Variants in RIMS3 observed in about 807,000 individuals in gnomAD.
RIMS3 encodes the protein regulating synaptic membrane exocytosis protein 3.
Under a neutral mutation model 29.2 loss-of-function variants are expected in RIMS3, and 15 were observed. The ratio of observed to expected loss-of-function variants is 0.51; its 90% CI spans 0.34 to 0.79. RIMS3 has a LOEUF of 0.79. Among genes scored for constraint, RIMS3 ranks in the 30% least tolerant of loss-of-function variants. The probability of loss-of-function intolerance (pLI) is 0.01; values close to 1 mark genes in which losing one functional copy is unlikely to be tolerated. For synonymous variants in RIMS3, 161 were observed against 170.1 expected (o/e 0.95, Z 0.41); for missense variants, 342 against 421.4 (o/e 0.81, Z 1.65).
chr1:40,677,328 T>C, the RIMS3 span, among the ~76,000 whole-genome samples: 13 of 151,730 alleles, frequency 8.6e-5, no homozygotes, highest in African/African-American at 2.9e-4. Flanking sequence ...AATATTGAGA[T>C]TGAACTTGAT....
intron 5 of RIMS3, 81 bp downstream of exon 5, chr1:40,632,988 A>G: frequency 9.5e-7 from 1 of 1,058,064 alleles, no homozygotes; most frequent in Admixed American, 1.7e-5. Flanking sequence ...TACGATGGCC[A>G]ATGCAGGGCC....
At chr1:40,638,947 C>T (rs1443891454) in intron 3 of RIMS3, among the ~76,000 whole-genome samples, 1 of 152,168 alleles carries the variant, frequency 6.6e-6, no homozygotes, top group African/African-American at 2.4e-5. Context: ...CACTCTAGGG[C>T]AACAAGAGGA....
intron 1 of RIMS3, among the ~76,000 whole-genome samples, chr1:40,659,275 G>C (rs1475027971): frequency 6.6e-6 from 1 of 152,190 alleles, no homozygotes; most frequent in African/African-American, 2.4e-5. Context: ...AGTGTGGCGG[G>C]GAAGCAGGGA....
chr1:40,678,848 C>CTGGG, the RIMS3 span, among the ~76,000 whole-genome samples: 1 of 152,168 alleles, frequency 6.6e-6, no homozygotes, highest in African/African-American at 2.4e-5. Context: ...CTGTGTCAGT[C>CTGGG]TGGGTGAAGA....
chr1:40,624,429 T>G lies in RIMS3; in HGVS notation c.*2088A>C, dbSNP rs1260111600. On this transcript the variant is annotated 3_prime_UTR_variant, in exon 8 of 8. Transcript: ENST00000372684. ...TAGGGTCGAGGAGGACAGAGCCCTT[T>G]GTCCATTTCCAAGAACTTGACGAAC... The G allele has an allele frequency of 2.6e-5, 4 of 152,240 alleles. No homozygotes were observed. Among genetic ancestry groups the G allele is most frequent in the Non-Finnish European group, 5.9e-5 (4 of 68,058 alleles). 9.4% of individuals were successfully genotyped at this position (152,240 alleles called of 1,614,324 possible).
chr1:40,649,543 C>T (rs1646617555), intron 1 of RIMS3, among the ~76,000 whole-genome samples: 1 of 152,208 alleles, frequency 6.6e-6, no homozygotes, highest in African/African-American at 2.4e-5. Context: ...GGCACACACC[C>T]CACCTCTGAG....
chr1:40,691,745 C>G, the RIMS3 span: 1 of 455,330 alleles, frequency 2.2e-6, no homozygotes, highest in African/African-American at 2.0e-5. Context: ...CCCCGCTTCG[C>G]GCGCGCTCCG....
the RIMS3 span, chr1:40,691,676 G>A: frequency 4.4e-6 from 2 of 449,500 alleles, no homozygotes; most frequent in Admixed American, 2.4e-5. Context: ...AGGCGCCAAG[G>A]GAGGGGGAAG....
intron 3 of RIMS3, among the ~76,000 whole-genome samples, chr1:40,637,494 T>TCATACACACACA (rs3835661): frequency 0.78 from 118,415 of 151,510 alleles, 46,960 homozygotes; most frequent in African/African-American, 0.9. Context: ...TCTGTCTCTC[T>TCATACACACACA]CATACACACA....
intron 1 of RIMS3, among the ~76,000 whole-genome samples, chr1:40,664,509 A>G (rs915173386): frequency 1.3e-5 from 2 of 152,182 alleles, no homozygotes; most frequent in African/African-American, 4.8e-5. Context: ...CTACATCCTG[A>G]TAACACCCCT....
chr1:40,691,734 C>A, the RIMS3 span: 11 of 455,192 alleles, frequency 2.4e-5, no homozygotes, highest in Non-Finnish European at 4.9e-5. Flanking sequence ...CTTGCTTGTG[C>A]CCCCGCTTCG....
intron 1 of RIMS3, among the ~76,000 whole-genome samples, chr1:40,650,715 A>C (rs1646626423): frequency 6.6e-6 from 1 of 151,594 alleles, no homozygotes; most frequent in Non-Finnish European, 1.5e-5. Flanking sequence ...AAAATACAAA[A>C]ATTAGCCTGA....
upstream of RIMS3, among the ~76,000 whole-genome samples, chr1:40,666,833 T>C (rs138913076): frequency 2.2e-3 from 329 of 152,268 alleles, 1 homozygote; most frequent in African/African-American, 7.5e-3. Flanking sequence ...GAGATCAACC[T>C]GGCCAACATG....
chr1:40,690,184 C>A, the RIMS3 span, among the ~76,000 whole-genome samples: 6 of 152,080 alleles, frequency 3.9e-5, no homozygotes, highest in Admixed American at 6.5e-5. Flanking sequence ...ACTAAATGTA[C>A]ACTTTTACAT....
chr1:40,641,916 C>A lies in RIMS3; in HGVS notation c.10G>T (p.Gly4Trp). The A allele has an allele frequency of 6.2e-7, 1 of 1,613,548 alleles. No homozygotes were observed. The change falls in exon 3 of 8, where the codon GGG becomes TGG. Residue 4 changes from glycine to tryptophan, a missense_variant. Physicochemically the swap from Gly to Trp is radical, Grantham distance 184 (BLOSUM62 -2). Transcript: ENST00000372684. ...CCAGATGAGGCAGGACCTGGCTCCCCGTTAAACATGGTCCCCGGGGTGGCA... is the reference window on the plus strand; with the variant it reads ...CCAGATGAGGCAGGACCTGGCTCCCAGTTAAACATGGTCCCCGGGGTGGCA... MFN[G>W]EPGPASSGAS...
Position 40,635,830 on chromosome 1 carries a change from AG to A in RIMS3, c.359+85del. On this transcript the variant is annotated intron_variant, in intron 4 of 7. Coordinates refer to ENST00000372684, the MANE Select transcript of RIMS3 (RefSeq NM_014747.3). This position sits in a 1 kb window ranked among gnomAD's most constrained non-coding sequence, Gnocchi z 4.1. ...CAGACATTTTAGCTGGAAACAAAAC[AG>A]GGAGGCTTTCCCACCCTGCCCAGTG... The A allele has an allele frequency of 6.5e-7, 1 of 1,544,674 alleles. No individual in the cohort carries two copies. The highest frequency in any genetic ancestry group is 8.8e-7 in the Non-Finnish European group (1 of 1,135,838).
At chr1:40,687,820 T>A in the RIMS3 span, among the ~76,000 whole-genome samples, 2 of 152,112 alleles carry the variant, frequency 1.3e-5, no homozygotes, top group African/African-American at 4.8e-5. Context: ...CTACATGTCT[T>A]CCCTAATTTT....
At chr1:40,645,547 A>C (rs1413121417) in intron 2 of RIMS3, among the ~76,000 whole-genome samples, 2 of 152,068 alleles carry the variant, frequency 1.3e-5, no homozygotes, top group Non-Finnish European at 2.9e-5. Context: ...GGGCCCTTTG[A>C]GAAAACTAAA....
the RIMS3 span, among the ~76,000 whole-genome samples, chr1:40,678,141 C>T: frequency 6.6e-6 from 1 of 152,190 alleles, no homozygotes; most frequent in Non-Finnish European, 1.5e-5. Flanking sequence ...GGTGCGGTGG[C>T]TTATGCCTGT....
Sources: gnomAD v4.1 joint callset for allele counts (sites outside exome capture counted in the v4.1 genomes callset) on GRCh38, gnomAD v4.1.1 for gene constraint, Gnocchi (gnomAD v3.1) non-coding constraint, MANE v1.5 for transcripts, NCBI Gene and HGNC (gene_info 2026-07-23, HGNC 2026-07-21) for gene names.